Variants in NCOA7 observed in about 807,000 individuals in gnomAD.
The protein encoded by NCOA7 is nuclear receptor coactivator 7, also known as 140 kDa estrogen receptor-associated protein.
Under a neutral mutation model 104.3 loss-of-function variants are expected in NCOA7, and 45 were observed. That is an observed-to-expected ratio of 0.43 (90% CI 0.34 to 0.55). The LOEUF (loss-of-function observed/expected upper bound fraction) is 0.55, where lower values mean the gene tolerates loss of function less well. NCOA7 is among the 20% of genes least tolerant of loss of function. The pLI, the probability that NCOA7 is intolerant of heterozygous loss-of-function variation, is 0.02. For missense variants in NCOA7, 1,041 were observed against 1,119.7 expected (o/e 0.93, Z 1.00); for synonymous variants, 398 against 402.3 (o/e 0.99, Z 0.13).
intron 2 of NCOA7, among the ~76,000 whole-genome samples, chr6:125,816,675 T>C (rs1777620514): frequency 6.6e-6 from 1 of 152,344 alleles, no homozygotes; most frequent in Non-Finnish European, 1.5e-5. Context: ...GAGATAATTT[T>C]AGATTCACAT....
At chr6:125,815,529 A>G (rs886387210) in intron 2 of NCOA7, 125 bp downstream of exon 2, 3 of 701,850 alleles carry the variant, frequency 4.3e-6, no homozygotes, top group Non-Finnish European at 7.2e-6. Context: ...GGTAACCAGG[A>G]GAAGTAAACT....
chr6:125,809,642 A>G (rs1412003296), intron 1 of NCOA7, among the ~76,000 whole-genome samples: 1 of 152,152 alleles, frequency 6.6e-6, no homozygotes, highest in Non-Finnish European at 1.5e-5. Flanking sequence ...GAGACTGAAC[A>G]CCTGTCATAT....
intron 1 of NCOA7, among the ~76,000 whole-genome samples, chr6:125,782,891 G>T (rs914891810): frequency 6.6e-6 from 1 of 152,204 alleles, no homozygotes; most frequent in African/African-American, 2.4e-5. Context: ...TTTTGAGATG[G>T]AGATTATCCT....
At chr6:125,826,597 G>A (rs575309906) in intron 2 of NCOA7, among the ~76,000 whole-genome samples, 1 of 152,180 alleles carries the variant, frequency 6.6e-6, no homozygotes, top group South Asian at 2.1e-4. Context: ...ATGTTATGAA[G>A]AGAAACATAT....
Position 125,928,916 on chromosome 6 carries a change from A to T in NCOA7, c.*145A>T. Reference sequence around the variant, plus strand: ...TGCCATCATCTCAGAGCATGATCACATTGCAGAAAGATTCTGGAAGGTCCA... The same window carrying T: ...TGCCATCATCTCAGAGCATGATCACTTTGCAGAAAGATTCTGGAAGGTCCA... On this transcript the variant is annotated 3_prime_UTR_variant, in exon 16 of 16. Transcript: ENST00000392477. 1 of 856,748 alleles carries T rather than the reference A, an allele frequency of 1.2e-6. No homozygotes were observed. Among genetic ancestry groups the T allele is most frequent in the Non-Finnish European group, 1.7e-6 (1 of 578,054 alleles). 53.1% of individuals were successfully genotyped at this position (856,748 alleles called of 1,614,324 possible). A position where few individuals can be genotyped will look rare whatever the true frequency, so the allele number is the denominator to read the frequency against.
At position 125,855,155 on chromosome 6, in the gene NCOA7, A is replaced by C. The variant is rs142658591; in HGVS notation, c.186A>C (p.Glu62Asp). Residue 62 changes from glutamate to aspartate, a missense_variant, in exon 3 of 16, where the codon GAA (glutamate) becomes GAC (aspartate). Coordinates refer to ENST00000392477, the MANE Select transcript of NCOA7 (RefSeq NM_181782.5). ...AGTGCAACATTGCTGTGGAAGAGGA[A>C]TATATGACTGATGAGAAAAAAAAGA... ...PDKCNIAVEE[E>D]YMTDEKKKRK... 6.8e-6 allele frequency: 11 copies of C among 1,613,458 alleles called. No individual in the cohort carries two copies. The African/African-American group carries it at 1.3e-4, about 20-fold the overall frequency.
chr6:125,921,361 G>T (rs1361363609), intron 12 of NCOA7, among the ~76,000 whole-genome samples: 2 of 151,894 alleles, frequency 1.3e-5, no homozygotes. Context: ...AGTGAGCCAA[G>T]ATCGCACCAC....
At position 125,815,299 on chromosome 6, in the gene NCOA7, C is replaced by A; in HGVS notation, c.-56C>A. The stretch of plus-strand genomic sequence containing the variant: ...GTTATCTTTTCTTACAGGGTTACGA[C>A]TCACTGATTAAAAAGAGGGACTTTT... On this transcript the variant is annotated 5_prime_UTR_variant, in exon 2 of 16. Coordinates refer to ENST00000392477, the MANE Select transcript of NCOA7 (RefSeq NM_181782.5). 1 of 1,356,014 alleles carries A rather than the reference C, an allele frequency of 7.4e-7. No homozygotes were observed. The highest frequency in any genetic ancestry group is 1.0e-6 in the Non-Finnish European group (1 of 964,738). The allele number at this position is 1,356,014 out of a possible 1,614,324, so 84.0% of individuals were successfully genotyped here. A position where few individuals can be genotyped will look rare whatever the true frequency, so the allele number is the denominator to read the frequency against.
At chr6:125,800,989 C>T (rs1451875765) in intron 1 of NCOA7, among the ~76,000 whole-genome samples, 1 of 152,116 alleles carries the variant, frequency 6.6e-6, no homozygotes, top group East Asian at 1.9e-4. Flanking sequence ...GAGCTGAGAT[C>T]GTGCCACTGC....
rs752856838 is a variant in NCOA7, at chr6:125,928,820, GC to G, written c.*52del. ...ACATTAAAAAGACTGGGTTCGATCA[GC>G]CCTCCTAAAGCTGGCTGGAAAAAGA... On this transcript the variant is annotated 3_prime_UTR_variant, in exon 16 of 16. Transcript: ENST00000392477. The G allele has an allele frequency of 1.1e-5, 18 of 1,582,944 alleles. 1 individual carries two copies. The highest frequency in any genetic ancestry group is 1.5e-5 in the Non-Finnish European group (17 of 1,167,436).
intron 10 of NCOA7, among the ~76,000 whole-genome samples, chr6:125,899,307 G>A (rs1377197327): frequency 1.3e-5 from 2 of 152,158 alleles, no homozygotes; most frequent in Non-Finnish European, 2.9e-5. Flanking sequence ...TTTAACCATA[G>A]TTAATGTGGA....
At chr6:125,908,207 G>A (rs1281343257) in intron 10 of NCOA7, among the ~76,000 whole-genome samples, 3 of 152,184 alleles carry the variant, frequency 2.0e-5, no homozygotes. Flanking sequence ...TAGAGAAAAT[G>A]GCACCAGCAG....
intron 2 of NCOA7, among the ~76,000 whole-genome samples, chr6:125,816,386 A>T (rs1237396150): frequency 4.6e-5 from 7 of 152,234 alleles, no homozygotes; most frequent in African/African-American, 1.7e-4. Flanking sequence ...CAGTGATGCA[A>T]CTAAGACTCA....
chr6:125,908,497 TG>T (rs1208648720), intron 10 of NCOA7, among the ~76,000 whole-genome samples: 2 of 152,216 alleles, frequency 1.3e-5, no homozygotes, highest in Non-Finnish European at 2.9e-5. Context: ...TGTCTTTTTC[TG>T]TTGACTTTCT....
intron 2 of NCOA7, among the ~76,000 whole-genome samples, chr6:125,818,493 A>T (rs1468912145): frequency 6.6e-6 from 1 of 152,186 alleles, no homozygotes; most frequent in East Asian, 1.9e-4. Flanking sequence ...TGATGCTCTT[A>T]AGACAGTAAG....
intron 7 of NCOA7, among the ~76,000 whole-genome samples, chr6:125,883,747 T>G (rs1428574701): frequency 6.7e-6 from 1 of 149,852 alleles, no homozygotes; most frequent in African/African-American, 2.5e-5. Flanking sequence ...GAGACAGAGT[T>G]TTGCTCTTGT....
Position 125,824,877 on chromosome 6 carries a change from G to A in NCOA7, c.50+9473G>A, listed in dbSNP as rs576076669. ...GGGTTCACGCCATTCTCCTGCCTCA[G>A]CCTCTGGAGTAGCTGGGACTATAGG... On this transcript the variant is annotated intron_variant, in intron 2 of 15. Coordinates refer to ENST00000392477, the MANE Select transcript of NCOA7 (RefSeq NM_181782.5). 6.4e-3 allele frequency among the ~76,000 whole-genome samples: 970 copies of A among 152,224 alleles called. 3 individuals are homozygous for A. The highest frequency in any genetic ancestry group is 7.9e-3 in the Non-Finnish European group (540 of 68,012).
chr6:125,878,304 T>C lies in NCOA7; in HGVS notation c.393T>C (p.Phe131=), dbSNP rs1243353250. The change falls in exon 5 of 16, where the codon TTT becomes TTC. Residue 131 remains phenylalanine, a synonymous_variant. Transcript: ENST00000392477. ...QDTLNSIALK[F]NITPNKLVEL... ...CCCTAAACTCCATAGCACTGAAATT[T>C]AACATCACTCCCAATAAATTGGTGG... 2 of 1,612,800 alleles carry C rather than the reference T, an allele frequency of 1.2e-6. No homozygotes were observed. Among genetic ancestry groups the C allele is most frequent in the Non-Finnish European group, 1.7e-6 (2 of 1,179,468 alleles).
chr6:125,897,234 A>G (rs745657552), intron 10 of NCOA7, among the ~76,000 whole-genome samples: 11 of 152,212 alleles, frequency 7.2e-5, no homozygotes, highest in Non-Finnish European at 1.0e-4. Context: ...AGAGTTCTCC[A>G]TGGTTGCCTG....
Sources: gnomAD v4.1 joint callset for allele counts (sites outside exome capture counted in the v4.1 genomes callset) on GRCh38, gnomAD v4.1.1 for gene constraint, MANE v1.5 for transcripts, NCBI Gene and HGNC (gene_info 2026-07-23, HGNC 2026-07-21) for gene names.